CTNNA3: variants seen among roughly 807,000 people sequenced by gnomAD.
CTNNA3 encodes the protein catenin alpha 3, also known as catenin alpha-3.
Under a neutral mutation model 95.7 loss-of-function variants are expected in CTNNA3, and 76 were observed. The observed-to-expected ratio is 0.79, with a 90% confidence interval of 0.66 to 0.96. CTNNA3 has a LOEUF of 0.96. Ranked by LOEUF, CTNNA3 falls within the 40% of genes least tolerant of loss-of-function variation. The pLI, the probability that CTNNA3 is intolerant of heterozygous loss-of-function variation, is 0.00. For synonymous variants in CTNNA3, 431 were observed against 374.4 expected, an observed-to-expected ratio of 1.15 and a Z score of -1.74; for missense variants, 1,191 against 1,089.8, an observed-to-expected ratio of 1.09 and a Z score of -1.31.
At chr10:67,088,439 C>A (rs1170788926) in intron 7 of CTNNA3, among the ~76,000 whole-genome samples, 1 of 151,750 alleles carries the variant, frequency 6.6e-6, no homozygotes, top group Non-Finnish European at 1.5e-5. Context: ...AAAATATATT[C>A]AAAAGTGGCC....
At chr10:66,597,802 T>C (rs1277731107) in intron 10 of CTNNA3, among the ~76,000 whole-genome samples, 2 of 151,542 alleles carry the variant, frequency 1.3e-5, no homozygotes, top group Non-Finnish European at 2.9e-5. Context: ...AAATAAAAGA[T>C]AAAGACTTTT....
At chr10:66,029,041 A>G (rs2079400703) in intron 15 of CTNNA3, among the ~76,000 whole-genome samples, 1 of 152,168 alleles carries the variant, frequency 6.6e-6, no homozygotes, top group Non-Finnish European at 1.5e-5. Context: ...AATCAATACA[A>G]AAGATCCAAC....
chr10:66,925,945 A>G (rs1369683359), intron 7 of CTNNA3: 11 of 449,214 alleles, frequency 2.4e-5, no homozygotes, highest in South Asian at 1.7e-4. Flanking sequence ...CTCATTTGCA[A>G]GATAAAAGAG....
intron 11 of CTNNA3, among the ~76,000 whole-genome samples, chr10:66,495,117 G>A (rs1027402097): frequency 6.6e-6 from 1 of 152,158 alleles, no homozygotes; most frequent in Non-Finnish European, 1.5e-5. Context: ...CTAGTTAAAT[G>A]TATCTATTTA....
chr10:65,960,454 G>A (rs1416759605), intron 17 of CTNNA3, among the ~76,000 whole-genome samples: 1 of 152,034 alleles, frequency 6.6e-6, no homozygotes, highest in African/African-American at 2.4e-5. Flanking sequence ...GAACCCAGGA[G>A]GCGGAGCTTG....
intron 1 of CTNNA3, among the ~76,000 whole-genome samples, chr10:67,688,392 G>A (rs2133582460): frequency 6.6e-6 from 1 of 152,260 alleles, no homozygotes; most frequent in East Asian, 1.9e-4. Flanking sequence ...AGGATATGGA[G>A]GTAAGCTGAG....
At chr10:66,440,721 A>T (rs2131785194) in intron 11 of CTNNA3, among the ~76,000 whole-genome samples, 1 of 152,240 alleles carries the variant, frequency 6.6e-6, no homozygotes, top group African/African-American at 2.4e-5. Flanking sequence ...ATCCTGGGGC[A>T]CCCTCATCTG....
At chr10:66,214,226 T>C (rs937964227) in intron 13 of CTNNA3, among the ~76,000 whole-genome samples, 3 of 152,154 alleles carry the variant, frequency 2.0e-5, no homozygotes, top group Admixed American at 6.6e-5. Context: ...AAGGTGCCCA[T>C]TGAAATCTGC....
At chr10:67,375,942 A>G (rs1027811912) in intron 5 of CTNNA3, among the ~76,000 whole-genome samples, 3 of 152,150 alleles carry the variant, frequency 2.0e-5, no homozygotes, top group African/African-American at 7.2e-5. Flanking sequence ...AACCCTTATG[A>G]ATAGGATCAG....
At chr10:66,780,185 T>A (rs1325309620) in intron 7 of CTNNA3, among the ~76,000 whole-genome samples, 2 of 152,086 alleles carry the variant, frequency 1.3e-5, no homozygotes, top group Non-Finnish European at 2.9e-5. Context: ...AGCTTAACCC[T>A]ATAGACAACT....
intron 7 of CTNNA3, among the ~76,000 whole-genome samples, chr10:67,109,209 G>C (rs1163471061): frequency 6.6e-6 from 1 of 152,120 alleles, no homozygotes; most frequent in East Asian, 1.9e-4. Flanking sequence ...GTTATATGTA[G>C]AGTCTTTTGT....
chr10:67,055,625 A>G (rs1855380995), intron 7 of CTNNA3, among the ~76,000 whole-genome samples: 1 of 152,198 alleles, frequency 6.6e-6, no homozygotes, highest in Admixed American at 6.5e-5. Context: ...TTGAAGGCAG[A>G]CAATGCTTCA....
At chr10:67,159,058 C>G (rs1223497364) in intron 7 of CTNNA3, among the ~76,000 whole-genome samples, 1 of 152,138 alleles carries the variant, frequency 6.6e-6, no homozygotes, top group East Asian at 1.9e-4. Context: ...TGGCCTAAAC[C>G]CAGTAGTTAA....
At position 66,103,265 on chromosome 10, in the gene CTNNA3, A is replaced by G. The variant is rs754598894; in HGVS notation, c.1885-16T>C. The stretch of plus-strand genomic sequence containing the variant: ...CCTCTGGGGTCTATAAAAAGAAAGC[A>G]AAACATTGCTAGTGGGAATGTAAAA... On this transcript the variant is annotated splice_polypyrimidine_tract_variant and intron_variant, in intron 13 of 17. Coordinates refer to ENST00000433211, the MANE Select transcript of CTNNA3 (RefSeq NM_013266.4). The G allele has an allele frequency of 1.6e-5, 25 of 1,590,920 alleles. No individual in the cohort carries two copies. In the East Asian group the frequency reaches 4.0e-4, roughly 26 times the overall value.
At chr10:66,285,761 ATTTT>A (rs1181331188) in intron 12 of CTNNA3, among the ~76,000 whole-genome samples, 1 of 151,776 alleles carries the variant, frequency 6.6e-6, no homozygotes, top group Non-Finnish European at 1.5e-5. Context: ...TATCAATACT[ATTTT>A]TATTTATGTT....
At chr10:65,943,884 T>C (rs2077469315) in intron 17 of CTNNA3, among the ~76,000 whole-genome samples, 1 of 152,248 alleles carries the variant, frequency 6.6e-6, no homozygotes, top group Non-Finnish European at 1.5e-5. Flanking sequence ...AGATGTTGTA[T>C]ATAAAACATA....
chr10:67,307,785 C>A (rs558601861), intron 5 of CTNNA3, among the ~76,000 whole-genome samples: 1 of 152,226 alleles, frequency 6.6e-6, no homozygotes, highest in South Asian at 2.1e-4. Context: ...GTGACCAGTA[C>A]ATTAATTCTC....
At chr10:67,075,796 G>A (rs1330188170) in intron 7 of CTNNA3, among the ~76,000 whole-genome samples, 1 of 152,166 alleles carries the variant, frequency 6.6e-6, no homozygotes, top group Non-Finnish European at 1.5e-5. Context: ...CACATTCAAA[G>A]CCATCTATTT....
chr10:66,427,427 T>A (rs1490886772), intron 11 of CTNNA3, among the ~76,000 whole-genome samples: 1 of 152,088 alleles, frequency 6.6e-6, no homozygotes, highest in African/African-American at 2.4e-5. Context: ...CGGTTGGAAC[T>A]GTCTTAACAT....
Sources: allele counts gnomAD v4.1 joint callset (sites outside exome capture counted in the v4.1 genomes callset), GRCh38; gene constraint gnomAD v4.1.1; transcripts MANE v1.5; gene names NCBI Gene and HGNC (gene_info 2026-07-23, HGNC 2026-07-21).